MX2: variants seen among roughly 807,000 people sequenced by gnomAD.
The protein encoded by MX2 is interferon-induced GTP-binding protein Mx2.
MX2 carries 51 observed loss-of-function variants against 74.0 expected under a neutral mutation model. The observed-to-expected ratio is 0.69, with a 90% CI of 0.55 to 0.87. The LOEUF (loss-of-function observed/expected upper bound fraction) is 0.87. Ranked by LOEUF, MX2 falls within the 40% of genes least tolerant of loss-of-function variation. The pLI, the probability that MX2 is intolerant of heterozygous loss-of-function variation, is 0.00. For missense variants in MX2, 832 were observed against 908.7 expected (o/e 0.92, Z 1.09); for synonymous variants, 369 against 339.3 (o/e 1.09, Z -0.96).
In MX2 at chr21:41,407,007, C is replaced by T; in HGVS notation, c.1905+9C>T. On this transcript the variant is annotated intron_variant, in intron 13 of 13. Coordinates refer to ENST00000330714, the MANE Select transcript of MX2 (RefSeq NM_002463.2). Reference sequence around the variant, plus strand: ...TGAATGCCTACTTCTTGGTGAGTTCCCGGCGGGGCAGGAGCCGTGCTCTCT... The same window carrying T: ...TGAATGCCTACTTCTTGGTGAGTTCTCGGCGGGGCAGGAGCCGTGCTCTCT... 1 of 1,608,854 alleles carries T rather than the reference C, an allele frequency of 6.2e-7. No homozygotes were observed. The highest frequency in any genetic ancestry group is 8.5e-7 in the Non-Finnish European group (1 of 1,175,724).
rs2089913182 is a variant in MX2, at chr21:41,408,247, CT to C, written c.*15del. The C allele has an allele frequency of 6.2e-7, 1 of 1,612,620 alleles. No homozygotes were observed. Among genetic ancestry groups the C allele is most frequent in the Non-Finnish European group, 8.5e-7 (1 of 1,178,942 alleles). ...GAGATCCACTGAAGGGCGGCGATGC[CT>C]GTGGTTGTTTTCTTGTGCGTACTCA... On this transcript the variant is annotated 3_prime_UTR_variant, in exon 14 of 14. Coordinates refer to ENST00000330714, the MANE Select transcript of MX2 (RefSeq NM_002463.2).
chr21:41,391,063 G>A (rs2089653791), intron 6 of MX2, among the ~76,000 whole-genome samples: 1 of 151,896 alleles, frequency 6.6e-6, no homozygotes, highest in African/African-American at 2.4e-5. Context: ...AGGGAGGGAG[G>A]GATGCCGCAC....
chr21:41,371,455 C>T (rs1023512837), intron 1 of MX2, among the ~76,000 whole-genome samples: 1 of 152,144 alleles, frequency 6.6e-6, no homozygotes, highest in African/African-American at 2.4e-5. Flanking sequence ...TCTCTTCCAG[C>T]GGACCCACAC....
At chr21:41,367,158 G>C (rs1412995599) in intron 1 of MX2, 2 of 152,190 alleles carry the variant, frequency 1.3e-5, no homozygotes, top group East Asian at 3.8e-4. Flanking sequence ...ACAAGAGGGA[G>C]CTCCTGGATT....
chr21:41,374,707 G>A (rs941864527), intron 1 of MX2, among the ~76,000 whole-genome samples: 7 of 151,916 alleles, frequency 4.6e-5, no homozygotes, highest in African/African-American at 7.3e-5. Flanking sequence ...CAGGTTGCTC[G>A]AGGGAGAAAC....
intron 12 of MX2, among the ~76,000 whole-genome samples, chr21:41,405,164 GC>G (rs754281702): frequency 5.3e-5 from 8 of 151,726 alleles, no homozygotes; most frequent in East Asian, 3.9e-4. Flanking sequence ...ACAAAAATTA[GC>G]CAGAAATCAC....
At chr21:41,367,123 G>C (rs2089272635) in intron 1 of MX2, 1 of 152,300 alleles carries the variant, frequency 6.6e-6, no homozygotes. Flanking sequence ...AGGGAGGATA[G>C]GACAATTGTC....
chr21:41,362,876 A>G (rs1471944962), intron 1 of MX2, among the ~76,000 whole-genome samples: 1 of 143,812 alleles, frequency 7.0e-6, no homozygotes, highest in Admixed American at 7.2e-5. Flanking sequence ...CTCCCACCTC[A>G]GCCTCCCAAG....
chr21:41,371,757 G>A (rs1343016978), intron 1 of MX2, among the ~76,000 whole-genome samples: 1 of 152,126 alleles, frequency 6.6e-6, no homozygotes, highest in Admixed American at 6.6e-5. Context: ...GCTCCTTAAG[G>A]AGCTGAGGCA....
intron 6 of MX2, among the ~76,000 whole-genome samples, chr21:41,395,217 G>C (rs2089718728): frequency 6.6e-6 from 1 of 151,378 alleles, no homozygotes; most frequent in South Asian, 2.1e-4. Context: ...GAGTGAGTCT[G>C]TTCAGGAGAC....
At chr21:41,379,271 C>T (rs2089455503) in intron 3 of MX2, among the ~76,000 whole-genome samples, 1 of 152,106 alleles carries the variant, frequency 6.6e-6, no homozygotes, top group Non-Finnish European at 1.5e-5. Context: ...CTGGGCGAGT[C>T]CCATAGTTGG....
At chr21:41,386,034 C>T (rs1308219121) in intron 5 of MX2, among the ~76,000 whole-genome samples, 1 of 151,794 alleles carries the variant, frequency 6.6e-6, no homozygotes. Context: ...GGCACAGTGG[C>T]TCACACCTGT....
At chr21:41,403,788 G>T in intron 12 of MX2, 2 of 392,484 alleles carry the variant, frequency 5.1e-6, no homozygotes, top group Non-Finnish European at 1.0e-5. Flanking sequence ...GGCAAGAGAG[G>T]GCATGTGGCA....
At chr21:41,373,077 C>T (rs945330038) in intron 1 of MX2, 3 of 152,216 alleles carry the variant, frequency 2.0e-5, no homozygotes, top group South Asian at 2.1e-4. Flanking sequence ...GGAAAGATAT[C>T]GTGCAGATGG....
chr21:41,403,089 T>C, intron 11 of MX2, 178 bp from the exon 12 acceptor site: 1 of 572,492 alleles, frequency 1.7e-6, no homozygotes. Context: ...CTGGATTGTG[T>C]GGCCCTGGAA....
intron 1 of MX2, among the ~76,000 whole-genome samples, chr21:41,373,338 G>A (rs1263486196): frequency 1.3e-5 from 2 of 152,192 alleles, no homozygotes; most frequent in Admixed American, 6.5e-5. Flanking sequence ...AGGCCCAGGA[G>A]CCCCGGCTGT....
At chr21:41,389,417 A>T (rs904112049) in intron 5 of MX2, 1 of 152,154 alleles carries the variant, frequency 6.6e-6, no homozygotes, top group Non-Finnish European at 1.5e-5. Flanking sequence ...GCTACTCGGG[A>T]GGCTGAAGTG....
At chr21:41,407,537 C>T (rs917582028) in intron 13 of MX2, among the ~76,000 whole-genome samples, 1 of 152,206 alleles carries the variant, frequency 6.6e-6, no homozygotes, top group Non-Finnish European at 1.5e-5. Context: ...ACTGCAAAGA[C>T]ACCCACCTCC....
intron 1 of MX2, chr21:41,364,219 G>T (rs112022310): frequency 6.6e-6 from 1 of 152,372 alleles, no homozygotes; most frequent in African/African-American, 2.4e-5. Context: ...ACCCCGCAGG[G>T]CCTTCCTCTC....
Sources: allele counts gnomAD v4.1 joint callset (sites outside exome capture counted in the v4.1 genomes callset), GRCh38; gene constraint gnomAD v4.1.1; transcripts MANE v1.5; gene names NCBI Gene and HGNC (gene_info 2026-07-23, HGNC 2026-07-21).